The following RAG1 variants were observed in gnomAD, a reference collection of about 807,000 sequenced individuals.
The protein encoded by RAG1 is recombination activating 1.
Under a neutral mutation model 62.7 loss-of-function variants are expected in RAG1, and 35 were observed. The observed-to-expected ratio is 0.56, with a 90% CI of 0.43 to 0.74. The LOEUF is 0.74. Ranked by LOEUF, RAG1 falls within the 30% of genes least tolerant of loss-of-function variation. The pLI is 0.00. For missense variants in RAG1, 1,169 were observed against 1,278.6 expected (o/e 0.91, Z 1.31); for synonymous variants, 461 against 470.3 (o/e 0.98, Z 0.26).
intron 1 of RAG1, among the ~76,000 whole-genome samples, chr11:36,570,767 G>C (rs766002225): frequency 6.6e-6 from 1 of 152,162 alleles, no homozygotes; most frequent in Non-Finnish European, 1.5e-5. Flanking sequence ...TTTCTCTGAT[G>C]ATCAGTGGTG....
rs150199231 is a variant in RAG1, at chr11:36,573,555, A to G, written c.251A>G (p.His84Arg). ...CCAACTCAGCCATTGTTAAAAGCCC[A>G]CCCTAAGTTTTCAAAGAAATTTCAC... ...PVPTQPLLKAHPKFSKKFHDN... is the reference protein window; with the variant it reads ...PVPTQPLLKARPKFSKKFHDN... Residue 84 changes from histidine (H) to arginine (R), a missense_variant, in exon 2 of 2, where the codon CAC (histidine) becomes CGC (arginine). His to Arg is a conservative substitution (Grantham distance 29). Transcript: ENST00000299440. 1,462 of 1,614,088 alleles carry G rather than the reference A, an allele frequency of 9.1e-4. 19 individuals are homozygous for G. The African/African-American group carries it at 0.018, about 19-fold the overall frequency.
intron 2 of RAG1, among the ~76,000 whole-genome samples, chr11:36,534,695 T>C (rs1014996182): frequency 1.4e-4 from 21 of 152,308 alleles, no homozygotes; most frequent in African/African-American, 5.1e-4. Context: ...GGGTGAAGAA[T>C]TGTGACTGTT....
At chr11:36,526,248 G>T (rs1305943526) in intron 2 of RAG1, among the ~76,000 whole-genome samples, 1 of 57,362 alleles carries the variant, frequency 1.7e-5, no homozygotes, top group Non-Finnish European at 3.4e-5. Flanking sequence ...CCCCACCCCC[G>T]ATAGGCCCCA....
rs116497892 is a variant in RAG1, at chr11:36,531,937, G to A, written n.429-4022G>A. Among the ~76,000 whole-genome samples the A allele has an allele frequency of 8.0e-3, 1,207 of 151,762 alleles. 14 individuals carry two copies. The highest frequency in any genetic ancestry group is 0.028 in the African/African-American group (1,156 of 41,406). The stretch of plus-strand genomic sequence containing the variant: ...TTTTTTCCATTTAGCATGATGTTGC[G>A]TTTTAGATTAAGGAATGCTGATATA... On this transcript the variant is annotated intron_variant and non_coding_transcript_variant, in intron 2 of 2. Transcript: ENST00000529126.
intron 1 of RAG1, among the ~76,000 whole-genome samples, chr11:36,518,918 AT>A (rs533714096): frequency 7.0e-4 from 106 of 152,302 alleles, no homozygotes; most frequent in African/African-American, 2.5e-3. Flanking sequence ...GTCCTTGCCC[AT>A]GCCTATGTCC....
intron 2 of RAG1, among the ~76,000 whole-genome samples, chr11:36,527,791 C>T (rs564390093): frequency 6.6e-6 from 1 of 152,214 alleles, no homozygotes; most frequent in East Asian, 1.9e-4. Flanking sequence ...CCTTCACATC[C>T]TTTGTAAGCT....
chr11:36,526,252 G>A (rs1052357215), intron 2 of RAG1, among the ~76,000 whole-genome samples: 3 of 98,176 alleles, frequency 3.1e-5, no homozygotes, highest in African/African-American at 1.3e-4. Flanking sequence ...ACCCCCGATA[G>A]GCCCCAGTGT....
intron 3 of RAG1, among the ~76,000 whole-genome samples, chr11:36,551,618 TTA>T (rs1491224502): frequency 5.4e-5 from 8 of 147,630 alleles, no homozygotes; most frequent in Admixed American, 3.4e-4. Context: ...TTTTTTTTTT[TTA>T]TTATACTCTA....
At chr11:36,567,821 C>A (rs924258555), upstream of RAG1, among the ~76,000 whole-genome samples, 1 of 152,160 alleles carries the variant, frequency 6.6e-6, no homozygotes, top group African/African-American at 2.4e-5. Context: ...AGTGCCCCAG[C>A]AAACTCTCGC....
downstream of RAG1, among the ~76,000 whole-genome samples, chr11:36,538,547 T>A (rs1289329554): frequency 1.3e-5 from 2 of 152,210 alleles, no homozygotes; most frequent in Non-Finnish European, 2.9e-5. Flanking sequence ...ACGCATTTTC[T>A]TTTAGATGGT....
rs759876765 is a variant in RAG1 at position 36,574,351 on chromosome 11, C to T, written c.1047C>T (p.Ser349=). The T allele has an allele frequency of 3.7e-6, 6 of 1,614,086 alleles. No homozygotes were observed. Among genetic ancestry groups the T allele is most frequent in the Admixed American group, 1.7e-5 (1 of 60,006 alleles). ...AGAGTCCAGTGAAGTCCTTTCTGAG[C>T]GTCTTGAATTCCCTGATGGTGAAAT... is the stretch of plus-strand genomic sequence containing the variant. ...DLESPVKSFL[S]VLNSLMVKCP... The change falls in exon 2 of 2, where the codon AGC becomes AGT. Residue 349 remains serine, a synonymous_variant. Coordinates refer to ENST00000299440, the MANE Select transcript of RAG1 (RefSeq NM_000448.3).
At position 36,562,784 on chromosome 11, in the gene RAG1, T is replaced by C. The variant is rs147951627; in HGVS notation, c.-411-601T>C. Among the ~76,000 whole-genome samples the C allele has an allele frequency of 2.6e-3, 403 of 152,334 alleles. 2 individuals carry two copies. The highest frequency in any genetic ancestry group is 0.01 in the Middle Eastern group (3 of 292). On this transcript the variant is annotated intron_variant and NMD_transcript_variant, in intron 3 of 9. Transcript: ENST00000534663. ...TAAGAAAATATATATTTTCATGGTATGGAGGCTTGAAGTAGAAGATCAAAG... is the reference window on the plus strand; with the variant it reads ...TAAGAAAATATATATTTTCATGGTACGGAGGCTTGAAGTAGAAGATCAAAG...
At chr11:36,570,699 T>G (rs1369300821) in intron 1 of RAG1, among the ~76,000 whole-genome samples, 1 of 152,262 alleles carries the variant, frequency 6.6e-6, no homozygotes, top group Non-Finnish European at 1.5e-5. Context: ...GCTTGTCATT[T>G]GGATACAATC....
At chr11:36,572,170 G>A (rs1398265458) in intron 1 of RAG1, among the ~76,000 whole-genome samples, 7 of 152,174 alleles carry the variant, frequency 4.6e-5, no homozygotes, top group Non-Finnish European at 1.0e-4. Flanking sequence ...TATAACTGGT[G>A]GGTCAAAAGA....
At position 36,576,382 on chromosome 11, in the gene RAG1, G is replaced by A. The variant is rs1399726800; in HGVS notation, c.3078G>A (p.Gly1026=). The A allele has an allele frequency of 6.2e-7, 1 of 1,614,128 alleles. No homozygotes were observed. The highest frequency in any genetic ancestry group is 8.5e-7 in the Non-Finnish European group (1 of 1,180,004). The change falls in exon 2 of 2, where the codon GGG becomes GGA. Residue 1026 remains glycine (G), a synonymous_variant. Coordinates refer to ENST00000299440, the MANE Select transcript of RAG1 (RefSeq NM_000448.3). ...CCATGAACCCTCAGGCAAGCTTAGG[G>A]GACCCATTAGGCATAGAGGACTCTC... ...GFTMNPQASL[G]DPLGIEDSLE...
intron 1 of RAG1, among the ~76,000 whole-genome samples, chr11:36,571,122 T>C (rs1286697017): frequency 1.3e-5 from 2 of 152,142 alleles, no homozygotes; most frequent in Non-Finnish European, 2.9e-5. Flanking sequence ...TGCAGGCCAG[T>C]GGGAGTCAGG....
chr11:36,561,284 A>G (rs1457880111), intron 3 of RAG1, among the ~76,000 whole-genome samples: 1 of 152,158 alleles, frequency 6.6e-6, no homozygotes, highest in African/African-American at 2.4e-5. Flanking sequence ...CAGATGGGTG[A>G]GCATGGTCTC....
chr11:36,562,161 G>A (rs1164931009), intron 3 of RAG1, among the ~76,000 whole-genome samples: 2 of 152,156 alleles, frequency 1.3e-5, no homozygotes, highest in Non-Finnish European at 1.5e-5. Context: ...GTTTTAACAA[G>A]ATTAGAATTT....
At position 36,575,922 on chromosome 11, in the gene RAG1, T is replaced by C; in HGVS notation, c.2618T>C (p.Ile873Thr). The stretch of plus-strand genomic sequence containing the variant: ...ACTGTGGATGCAGTTTGTGAGTTAA[T>C]TCCTTCCGAGGAGAGGCACGAGGCT... ...KETVDAVCEL[I>T]PSEERHEALR... The change falls in exon 2 of 2, where the codon ATT becomes ACT. Residue 873 changes from isoleucine (I) to threonine (T), a missense_variant. By Grantham distance (89) the Ile-to-Thr change is moderately conservative. This residue lies in a region of RAG1 where 800 missense variants were observed against 943.3 expected (regional missense o/e 0.85). Coordinates refer to ENST00000299440, the MANE Select transcript of RAG1 (RefSeq NM_000448.3). The surrounding 1 kb of genome is among the most constrained non-coding windows in gnomAD (Gnocchi z 4.1). 1 of 1,614,174 alleles carries C rather than the reference T, an allele frequency of 6.2e-7. No homozygotes were observed. The highest frequency in any genetic ancestry group is 2.2e-5 in the East Asian group (1 of 44,880).
Sources: gnomAD v4.1 joint callset for allele counts (sites outside exome capture counted in the v4.1 genomes callset) on GRCh38, gnomAD v4.1.1 for gene constraint, gnomAD v4.1.1 regional missense constraint, Gnocchi (gnomAD v3.1) non-coding constraint, MANE v1.5 for transcripts, NCBI Gene and HGNC (gene_info 2026-07-23, HGNC 2026-07-21) for gene names.